ANAPC7: variants seen among roughly 807,000 people sequenced by gnomAD.
ANAPC7 encodes the protein anaphase-promoting complex subunit 7.
Under a neutral mutation model 63.3 loss-of-function variants are expected in ANAPC7, and 25 were observed. The ratio of observed to expected loss-of-function variants is 0.39; its 90% CI spans 0.29 to 0.55. The LOEUF (loss-of-function observed/expected upper bound fraction) is 0.55, where lower values mean the gene tolerates loss of function less well. Ranked by LOEUF, ANAPC7 falls within the 20% of genes least tolerant of loss-of-function variation. ANAPC7 has a pLI of 0.57. For missense variants in ANAPC7, 516 were observed against 691.7 expected (o/e 0.75, Z 2.85); for synonymous variants, 241 against 251.7 (o/e 0.96, Z 0.40).
chr12:110,380,666 A>G (rs1881742392), intron 8 of ANAPC7, among the ~76,000 whole-genome samples: 2 of 149,726 alleles, frequency 1.3e-5, no homozygotes, highest in South Asian at 2.1e-4. Flanking sequence ...AAAAAAAAAA[A>G]AACAGGACCC....
At chr12:110,389,658 G>A (rs979076318) in intron 3 of ANAPC7, among the ~76,000 whole-genome samples, 14 of 152,134 alleles carry the variant, frequency 9.2e-5, no homozygotes, top group African/African-American at 2.2e-4. Context: ...CTGGCCGGGC[G>A]CAGTGGCTCA....
chr12:110,402,387 TGGTGCTACTTCG>T (rs1412077039), intron 1 of ANAPC7, among the ~76,000 whole-genome samples: 2 of 151,418 alleles, frequency 1.3e-5, no homozygotes, highest in African/African-American at 4.8e-5. Flanking sequence ...TGGAGTGCAG[TGGTGCTACTTCG>T]GCTCACTGCA....
chr12:110,384,536 A>T (rs2137943228), intron 6 of ANAPC7, among the ~76,000 whole-genome samples: 1 of 151,696 alleles, frequency 6.6e-6, no homozygotes, highest in Non-Finnish European at 1.5e-5. Flanking sequence ...AAATACAAAA[A>T]CTAGCCAGGC....
chr12:110,396,621 C>T, intron 1 of ANAPC7, 169 bp from the exon 2 acceptor site: 1 of 485,578 alleles, frequency 2.1e-6, no homozygotes, highest in Non-Finnish European at 3.6e-6. Flanking sequence ...AGTGATTCTC[C>T]TTCCTCAGCC....
intron 8 of ANAPC7, among the ~76,000 whole-genome samples, chr12:110,379,978 C>T (rs1566261177): frequency 6.6e-6 from 1 of 152,180 alleles, no homozygotes. Flanking sequence ...CCCATTCCCA[C>T]AGCCAACACT....
chr12:110,375,853 T>C (rs1881218974), intron 10 of ANAPC7: 2 of 1,266,560 alleles, frequency 1.6e-6, no homozygotes, highest in African/African-American at 1.5e-5. Context: ...GGGATGGTTA[T>C]GAGTGAAACA....
At chr12:110,398,138 T>TG (rs2137989475) in intron 1 of ANAPC7, among the ~76,000 whole-genome samples, 1 of 150,596 alleles carries the variant, frequency 6.6e-6, no homozygotes, top group East Asian at 2.0e-4. Flanking sequence ...CCCAGCTACC[T>TG]GGGAGGCTGA....
At chr12:110,382,579 A>G (rs1006813786) in intron 7 of ANAPC7, among the ~76,000 whole-genome samples, 1 of 141,748 alleles carries the variant, frequency 7.1e-6, no homozygotes, top group South Asian at 2.2e-4. Flanking sequence ...ATTTTTATTT[A>G]TTTATTTTTG....
intron 6 of ANAPC7, among the ~76,000 whole-genome samples, chr12:110,385,597 A>G (rs527563285): frequency 6.6e-6 from 1 of 152,260 alleles, no homozygotes; most frequent in East Asian, 1.9e-4. Flanking sequence ...GTGAGGGGAG[A>G]TCTTGTGCAA....
rs766116039 is a variant in ANAPC7, at chr12:110,395,060, T to G, written c.408+41A>C. The G allele has an allele frequency of 6.9e-6, 11 of 1,599,132 alleles. No individual in the cohort carries two copies. In the South Asian group the frequency reaches 1.1e-4, roughly 16 times the overall value. Reference sequence around the variant, plus strand: ...AAAACATGGAGAGAGGGAGCAGGGTTAGGAGAGCTGAGGAGAAAAACACAT... The same window carrying G: ...AAAACATGGAGAGAGGGAGCAGGGTGAGGAGAGCTGAGGAGAAAAACACAT... On this transcript the variant is annotated intron_variant, in intron 3 of 10. Transcript: ENST00000455511.
chr12:110,387,724 CTT>C lies in ANAPC7; in HGVS notation c.674+13_674+14del, dbSNP rs1177786321. The C allele has an allele frequency of 6.3e-6, 10 of 1,594,482 alleles. No individual in the cohort carries two copies. The highest frequency in any genetic ancestry group is 5.1e-5 in the Admixed American group (3 of 58,928). On this transcript the variant is annotated intron_variant, in intron 5 of 10. Transcript: ENST00000455511. ...AAGGGCCTCAAGAACACTGAATTAACTTTGTGGCTCTCACCAGATGGTACTGA... is the reference window on the plus strand; with the variant it reads ...AAGGGCCTCAAGAACACTGAATTAACTGTGGCTCTCACCAGATGGTACTGA...
intron 1 of ANAPC7, among the ~76,000 whole-genome samples, chr12:110,399,232 C>T (rs915120485): frequency 2.6e-5 from 4 of 151,642 alleles, no homozygotes; most frequent in African/African-American, 7.3e-5. Flanking sequence ...TGTTGGCCAT[C>T]GCTGGTCTCA....
At chr12:110,387,445 CAAAAA>C in intron 5 of ANAPC7, 2 of 65,214 alleles carry the variant, frequency 3.1e-5, no homozygotes, top group Non-Finnish European at 2.8e-5. Context: ...GACCTTGTCT[CAAAAA>C]AAAAAAAAAA....
intron 5 of ANAPC7, chr12:110,387,478 G>C (rs1461530674): frequency 8.1e-6 from 2 of 247,626 alleles, no homozygotes; most frequent in Middle Eastern, 1.3e-3. Flanking sequence ...CACCAAGGTA[G>C]CCTGCTTTGC....
chr12:110,381,916 C>T lies in ANAPC7; in HGVS notation c.968G>A (p.Arg323Gln), dbSNP rs1411191464. 4.3e-6 allele frequency: 6 copies of T among 1,394,882 alleles called. No individual in the cohort carries two copies. The highest frequency in any genetic ancestry group is 3.9e-6 in the Non-Finnish European group (4 of 1,029,696). 86.4% of individuals were successfully genotyped at this position (1,394,882 alleles called of 1,614,324 possible). Residue 323 changes from arginine to glutamine, a missense_variant, in exon 8 of 11, where the codon CGG becomes CAG. Around this residue, in one of 4 missense-constraint regions of ANAPC7, gnomAD observed 199 missense variants for 249.3 expected, o/e 0.80. Coordinates refer to ENST00000455511, the MANE Select transcript of ANAPC7 (RefSeq NM_016238.3). ...GGCCTTGGCTCCTAAATAGAGGGCC[C>T]GGGAGTAGCGTTTGCTATAGAAGCT... is the stretch of plus-strand genomic sequence containing the variant. ...CHSFYSKRYS[R>Q]ALYLGAKAIQ...
chr12:110,394,669 C>CAAAAAAAAAAAAAAAAAAAAAAAAA (rs779142936), intron 3 of ANAPC7, among the ~76,000 whole-genome samples: 2 of 42,788 alleles, frequency 4.7e-5, no homozygotes, highest in African/African-American at 2.1e-4. Context: ...AATTCCACCT[C>CAAAAAAAAAAAAAAAAAAAAAAAAA]AAAAAAAAAA....
At chr12:110,398,991 TATATG>T (rs2062183096) in intron 1 of ANAPC7, among the ~76,000 whole-genome samples, 1 of 150,798 alleles carries the variant, frequency 6.6e-6, no homozygotes, top group Non-Finnish European at 1.5e-5. Context: ...TATAGTTGCT[TATATG>T]AAAGAACAGA....
At chr12:110,382,000 A>G in intron 7 of ANAPC7, 52 bp from the exon 8 acceptor site, 1 of 1,471,622 alleles carries the variant, frequency 6.8e-7, no homozygotes, top group Non-Finnish European at 9.0e-7. Context: ...GTTATCCAAG[A>G]GAAGACTACA....
intron 6 of ANAPC7, among the ~76,000 whole-genome samples, chr12:110,385,558 A>G (rs551833447): frequency 3.3e-5 from 5 of 152,326 alleles, no homozygotes; most frequent in Admixed American, 1.3e-4. Flanking sequence ...GGGTGCAGGC[A>G]GCTTGGAGAA....
Sources: gnomAD v4.1 joint callset for allele counts (sites outside exome capture counted in the v4.1 genomes callset) on GRCh38, gnomAD v4.1.1 for gene constraint, gnomAD v4.1.1 regional missense constraint, MANE v1.5 for transcripts, NCBI Gene and HGNC (gene_info 2026-07-23, HGNC 2026-07-21) for gene names.